Variants in ZDHHC11B observed in about 807,000 individuals in gnomAD.
The protein encoded by ZDHHC11B is probable palmitoyltransferase ZDHHC11B.
A neutral mutation model predicts 42.3 loss-of-function variants in ZDHHC11B; 17 were observed. That is an observed-to-expected ratio of 0.40 (90% CI 0.27 to 0.60). The LOEUF (loss-of-function observed/expected upper bound fraction) is 0.60, where lower values mean the gene tolerates loss of function less well. Among genes scored for constraint, ZDHHC11B ranks in the 20% least tolerant of loss-of-function variants. The probability of loss-of-function intolerance (pLI) is 0.41; values close to 1 mark genes in which losing one functional copy is unlikely to be tolerated. For synonymous variants in ZDHHC11B, 123 were observed against 193.5 expected (o/e 0.64, Z 3.02); for missense variants, 262 against 463.2 (o/e 0.57, Z 3.99).
Position 776,633 on chromosome 5 carries a change from C to T in ZDHHC11B, c.-229-7703G>A, listed in dbSNP as rs140987074. Among the ~76,000 whole-genome samples, 254 of 151,970 alleles carry T rather than the reference C, an allele frequency of 1.7e-3. 5 individuals are homozygous for T. Among genetic ancestry groups the T allele is most frequent in the Admixed American group, 6.7e-3 (102 of 15,250 alleles). ...AGCAACATCAAAGACCACAGCGACC[C>T]GAAGCCCCAGAAGCAAAAGCCACCC... On this transcript the variant is annotated intron_variant, in intron 1 of 13. Transcript: ENST00000508859.
rs191382689 is a variant in ZDHHC11B, at chr5:760,370, C to T, written c.223-4226G>A. On this transcript the variant is annotated intron_variant, in intron 4 of 13. Transcript: ENST00000508859. Reference sequence around the variant, plus strand: ...CATCTTTACAAAAACGGGAACCCAACGGCAGCAGACACACGCAGAGAAAAG... The same window carrying T: ...CATCTTTACAAAAACGGGAACCCAATGGCAGCAGACACACGCAGAGAAAAG... Among the ~76,000 whole-genome samples the T allele has an allele frequency of 3.2e-3, 484 of 151,650 alleles. 13 individuals are homozygous for T. The highest frequency in any genetic ancestry group is 0.014 in the South Asian group (67 of 4,772).
chr5:777,213 G>A (rs368179652), intron 1 of ZDHHC11B, among the ~76,000 whole-genome samples: 5 of 151,980 alleles, frequency 3.3e-5, no homozygotes, highest in African/African-American at 1.2e-4. Context: ...GAGTGAAGCC[G>A]CGGACTCTCG....
intron 11 of ZDHHC11B, chr5:732,694 G>C: frequency 2.3e-6 from 1 of 439,898 alleles, no homozygotes; most frequent in Admixed American, 2.5e-5. Flanking sequence ...CAAGTCACCT[G>C]TAACCTCCAG....
intron 4 of ZDHHC11B, among the ~76,000 whole-genome samples, chr5:758,386 A>C (rs1442464581): frequency 2.6e-5 from 4 of 151,918 alleles, no homozygotes; most frequent in African/African-American, 9.7e-5. Context: ...GCCACATCCG[A>C]CTGCAGCCTC....
chr5:754,890 C>CA (rs146159101), intron 6 of ZDHHC11B, 108 bp downstream of exon 6: 74,161 of 415,918 alleles, frequency 0.18, 23,857 homozygotes, highest in East Asian at 0.41. Flanking sequence ...GACGTGGCCC[C>CA]AAGAGGACCC....
intron 4 of ZDHHC11B, among the ~76,000 whole-genome samples, chr5:760,385 G>T (rs115525334): frequency 6.6e-6 from 1 of 151,714 alleles, no homozygotes; most frequent in Non-Finnish European, 1.5e-5. Context: ...GCAGACACAC[G>T]CAGAGAAAAG....
intron 12 of ZDHHC11B, among the ~76,000 whole-genome samples, chr5:726,166 C>T (rs993639286): frequency 1.5e-4 from 23 of 150,450 alleles, no homozygotes; most frequent in South Asian, 4.2e-4. Context: ...TCCCACAAAA[C>T]AGACCTGTGA....
Position 748,427 on chromosome 5 carries a change from A to C in ZDHHC11B, c.761T>G (p.Leu254Arg). Reference sequence around the variant, plus strand: ...ACTCAGGTAGATGTGGAAGATGAGCAGCTGGCCCAGCTGCACCAAGCCAAG... The same window carrying C: ...ACTCAGGTAGATGTGGAAGATGAGCCGCTGGCCCAGCTGCACCAAGCCAAG... ...DLLGLVQLGQLLIFHIYLKAK... is the reference protein window; with the variant it reads ...DLLGLVQLGQRLIFHIYLKAK... Residue 254 changes from leucine (L) to arginine (R), a missense_variant, in exon 8 of 14, where the codon CTG becomes CGG. By Grantham distance (102) the Leu-to-Arg change is moderately radical (BLOSUM62 -2). This residue lies in a region of ZDHHC11B where 57 missense variants were observed against 103.3 expected (regional missense o/e 0.55). Coordinates refer to ENST00000508859, the MANE Select transcript of ZDHHC11B (RefSeq NM_001351303.2). 1 of 1,359,104 alleles carries C rather than the reference A, an allele frequency of 7.4e-7. No individual in the cohort carries two copies. The highest frequency in any genetic ancestry group is 1.4e-5 in the African/African-American group (1 of 72,014). The allele number at this position is 1,359,104 out of a possible 1,614,324, so 84.2% of individuals were successfully genotyped here. A position where few individuals can be genotyped will look rare whatever the true frequency, so the allele number is the denominator to read the frequency against.
intron 12 of ZDHHC11B, among the ~76,000 whole-genome samples, chr5:728,826 A>C (rs1284614134): frequency 6.6e-6 from 1 of 151,782 alleles, no homozygotes; most frequent in Non-Finnish European, 1.5e-5. Flanking sequence ...GTTCGAGACC[A>C]GTGTGGGCAA....
chr5:762,753 GA>G (rs1242232701), intron 4 of ZDHHC11B, among the ~76,000 whole-genome samples: 2 of 150,830 alleles, frequency 1.3e-5, no homozygotes, highest in African/African-American at 4.9e-5. Context: ...TAAGATGATA[GA>G]AAAAAAAGCA....
At chr5:775,033 G>A (rs390922) in intron 1 of ZDHHC11B, among the ~76,000 whole-genome samples, 7,253 of 151,032 alleles carry the variant, frequency 0.048, 390 homozygotes, top group East Asian at 0.23. Flanking sequence ...CTGGAGGCAG[G>A]AGCCATGGAG....
intron 13 of ZDHHC11B, among the ~76,000 whole-genome samples, chr5:713,476 A>G (rs1441377010): frequency 6.6e-6 from 1 of 151,980 alleles, no homozygotes; most frequent in African/African-American, 2.4e-5. Context: ...GCTGCTTCTC[A>G]CTCAGTGCTT....
chr5:772,896 C>T (rs1473469354), intron 1 of ZDHHC11B, among the ~76,000 whole-genome samples: 1 of 151,832 alleles, frequency 6.6e-6, no homozygotes, highest in Non-Finnish European at 1.5e-5. Context: ...TTTTGTTTTA[C>T]CTCAAACATG....
At chr5:743,265 A>G (rs2127048635) in intron 9 of ZDHHC11B, among the ~76,000 whole-genome samples, 1 of 149,648 alleles carries the variant, frequency 6.7e-6, no homozygotes, top group Non-Finnish European at 1.5e-5. Flanking sequence ...CTGTAGCTTT[A>G]TGTCTCTCTC....
intron 9 of ZDHHC11B, among the ~76,000 whole-genome samples, chr5:744,534 A>T (rs1744522618): frequency 6.7e-6 from 1 of 148,758 alleles, no homozygotes. Context: ...TAGTTATAAT[A>T]ATTCATGTCA....
intron 4 of ZDHHC11B, among the ~76,000 whole-genome samples, chr5:760,571 C>T (rs1214209312): frequency 6.6e-6 from 1 of 151,764 alleles, no homozygotes; most frequent in Non-Finnish European, 1.5e-5. Flanking sequence ...GTGATGGCAG[C>T]CCCAGGACAC....
chr5:761,230 G>C (rs1443899299), intron 4 of ZDHHC11B, among the ~76,000 whole-genome samples: 1 of 151,904 alleles, frequency 6.6e-6, no homozygotes, highest in Non-Finnish European at 1.5e-5. Context: ...CCCGTGTCTG[G>C]AGGGCATGTG....
rs563993212 is a variant in ZDHHC11B at position 776,720 on chromosome 5, G to A, written c.-229-7790C>T. On this transcript the variant is annotated intron_variant, in intron 1 of 13. Coordinates refer to ENST00000508859, the MANE Select transcript of ZDHHC11B (RefSeq NM_001351303.2). ...TCACCCAGCCCTCCTGTCCCACCAA[G>A]GGGCCTTCTAGGACCTGGGAGCCCT... 1.5e-3 allele frequency among the ~76,000 whole-genome samples: 228 copies of A among 151,980 alleles called. 1 individual carries two copies. The highest frequency in any genetic ancestry group is 5.2e-3 in the African/African-American group (215 of 41,374).
At chr5:767,844 T>A (rs562364563) in intron 2 of ZDHHC11B, among the ~76,000 whole-genome samples, 20 of 29,782 alleles carry the variant, frequency 6.7e-4, no homozygotes, top group African/African-American at 2.1e-3. Context: ...CTGTGGAGGA[T>A]CCCAACCAAC....
Sources: allele counts gnomAD v4.1 joint callset (sites outside exome capture counted in the v4.1 genomes callset), GRCh38; gene constraint gnomAD v4.1.1; regional missense constraint gnomAD v4.1.1; transcripts MANE v1.5; gene names NCBI Gene and HGNC (gene_info 2026-07-23, HGNC 2026-07-21).